TOX2: variants seen among roughly 807,000 people sequenced by gnomAD.
TOX2 encodes the protein granulosa cell HMG box 1.
In TOX2, 15 loss-of-function variants were observed where a neutral mutation model predicts 47.4. That is an observed-to-expected ratio of 0.32 (90% CI 0.21 to 0.49). The LOEUF (loss-of-function observed/expected upper bound fraction) is 0.49. TOX2 is among the 20% of genes least tolerant of loss of function. The pLI, the probability that TOX2 is intolerant of heterozygous loss-of-function variation, is 0.99. For missense variants in TOX2, 622 were observed against 673.1 expected (o/e 0.92, Z 0.84); for synonymous variants, 290 against 296.6 (o/e 0.98, Z 0.23).
intron 3 of TOX2, among the ~76,000 whole-genome samples, chr20:44,040,109 G>T (rs1247494846): frequency 2.0e-5 from 3 of 152,180 alleles, no homozygotes; most frequent in Non-Finnish European, 2.9e-5. Flanking sequence ...GATGGGCAGG[G>T]TCTCACCACT....
At chr20:44,007,828 C>A (rs1457223394) in intron 3 of TOX2, among the ~76,000 whole-genome samples, 1 of 152,096 alleles carries the variant, frequency 6.6e-6, no homozygotes, top group African/African-American at 2.4e-5. Flanking sequence ...GAAGAAACAT[C>A]ATATTTTTGG....
intron 3 of TOX2, among the ~76,000 whole-genome samples, chr20:44,014,680 G>A (rs1455114588): frequency 1.3e-5 from 2 of 152,150 alleles, no homozygotes; most frequent in Non-Finnish European, 2.9e-5. Flanking sequence ...AAGAGTCAGC[G>A]ATCCGATGCA....
chr20:43,965,547 G>T (rs2069836370), intron 1 of TOX2, among the ~76,000 whole-genome samples: 2 of 152,144 alleles, frequency 1.3e-5, no homozygotes, highest in African/African-American at 4.8e-5. Context: ...AAGTCCCTTT[G>T]CTTTTCTCTC....
At chr20:44,050,895 A>G (rs2071497437) in intron 3 of TOX2, among the ~76,000 whole-genome samples, 2 of 152,202 alleles carry the variant, frequency 1.3e-5, no homozygotes, top group Non-Finnish European at 2.9e-5. Flanking sequence ...ACCAGGATTC[A>G]AAATGTAGTT....
chr20:43,970,453 A>C (rs1456477894), intron 1 of TOX2, among the ~76,000 whole-genome samples: 2 of 152,240 alleles, frequency 1.3e-5, no homozygotes, highest in Non-Finnish European at 2.9e-5. Context: ...CATTTAATAA[A>C]TGGTGACCAT....
chr20:44,065,729 T>G lies in TOX2; in HGVS notation c.978T>G (p.Gly326=), dbSNP rs757099936. The part of the protein sequence containing the change: ...SLVSKSSPDQ[G]ETKSTQANPP... ...CCTTCCAGAGCTCCCCAGATCAAGG[T>G]GAGACCAAGAGCACTCAGGCAAACC... The change falls in exon 7 of 9, where the codon GGT becomes GGG. Residue 326 remains glycine (G), a synonymous_variant. Transcript: ENST00000341197. 4 of 1,590,818 alleles carry G rather than the reference T, an allele frequency of 2.5e-6. No individual in the cohort carries two copies. Among genetic ancestry groups the G allele is most frequent in the Non-Finnish European group, 3.4e-6 (4 of 1,163,624 alleles).
At chr20:44,054,171 A>C in intron 4 of TOX2, 128 bp from the exon 5 acceptor site, 90 of 843,096 alleles carry the variant, frequency 1.1e-4, no homozygotes, top group Non-Finnish European at 1.3e-4. Flanking sequence ...TGCCCCCTCC[A>C]TCGCGCGAGT....
At chr20:43,966,555 C>A (rs1002120091) in intron 1 of TOX2, among the ~76,000 whole-genome samples, 5 of 151,786 alleles carry the variant, frequency 3.3e-5, no homozygotes, top group African/African-American at 4.8e-5. Flanking sequence ...AGCAGGAGTT[C>A]GAGATCAGCC....
chr20:44,032,801 C>T (rs1238214265), intron 3 of TOX2, among the ~76,000 whole-genome samples: 1 of 152,182 alleles, frequency 6.6e-6, no homozygotes, highest in Admixed American at 6.5e-5. Context: ...ATTTGCAAAC[C>T]TTTCTTCTAA....
chr20:44,019,001 T>C (rs1423155575), intron 3 of TOX2, among the ~76,000 whole-genome samples: 1 of 152,164 alleles, frequency 6.6e-6, no homozygotes, highest in Non-Finnish European at 1.5e-5. Flanking sequence ...CCACAGAGTG[T>C]GGGAATCAAA....
chr20:43,934,894 T>C (rs909414225), intron 1 of TOX2, among the ~76,000 whole-genome samples: 1 of 151,980 alleles, frequency 6.6e-6, no homozygotes, highest in Non-Finnish European at 1.5e-5. Context: ...TTTTTGGACA[T>C]TTGGGCTACT....
intron 1 of TOX2, among the ~76,000 whole-genome samples, chr20:43,962,489 C>T (rs1470473722): frequency 6.6e-6 from 1 of 152,248 alleles, no homozygotes; most frequent in African/African-American, 2.4e-5. Context: ...TCACCACGTT[C>T]ACCCCCAGCC....
At chr20:43,971,973 T>A (rs1402037150) in intron 1 of TOX2, among the ~76,000 whole-genome samples, 3 of 152,166 alleles carry the variant, frequency 2.0e-5, no homozygotes, top group Non-Finnish European at 4.4e-5. Context: ...GGTGTTGCTT[T>A]TTGTACTCTT....
chr20:43,987,679 G>A (rs1382011453), intron 2 of TOX2, among the ~76,000 whole-genome samples: 1 of 152,118 alleles, frequency 6.6e-6, no homozygotes, highest in African/African-American at 2.4e-5. Context: ...CCCACTGAGA[G>A]CATGGATGGG....
intron 3 of TOX2, among the ~76,000 whole-genome samples, chr20:44,016,574 T>C (rs1464968588): frequency 1.3e-5 from 2 of 152,158 alleles, no homozygotes; most frequent in African/African-American, 4.8e-5. Context: ...ATTCCTGGCC[T>C]CTACTCACTA....
chr20:43,958,710 G>A (rs1375915407), intron 1 of TOX2, among the ~76,000 whole-genome samples: 1 of 152,242 alleles, frequency 6.6e-6, no homozygotes, highest in Non-Finnish European at 1.5e-5. Context: ...GCTTTTGACA[G>A]TAACTGGGCT....
In TOX2 at chr20:43,915,045, C is replaced by T. The variant is rs1476324426; in HGVS notation, c.99+55C>T. On this transcript the variant is annotated intron_variant, in intron 1 of 8. Coordinates refer to ENST00000341197, the MANE Select transcript of TOX2 (RefSeq NM_001098797.2). This position sits in a 1 kb window ranked among gnomAD's most constrained non-coding sequence, Gnocchi z 7.1. ...GGGCGGGGCCGGAGTCACCTGGCAG[C>T]TCGGGACTCAGGCGCTCCCGGGGTC... is the stretch of plus-strand genomic sequence containing the variant. The T allele has an allele frequency of 2.7e-6, 3 of 1,094,500 alleles. No homozygotes were observed. Among genetic ancestry groups the T allele is most frequent in the African/African-American group, 1.7e-5 (1 of 59,860 alleles). 67.8% of individuals were successfully genotyped at this position (1,094,500 alleles called of 1,614,324 possible).
At position 43,915,146 on chromosome 20, in the gene TOX2, C is replaced by T. The variant is rs1458809835; in HGVS notation, c.99+156C>T. 6.6e-6 allele frequency among the ~76,000 whole-genome samples: 1 copy of T among 152,136 alleles called. No homozygotes were observed. The highest frequency in any genetic ancestry group is 1.5e-5 in the Non-Finnish European group (1 of 68,016). On this transcript the variant is annotated intron_variant, in intron 1 of 8. Coordinates refer to ENST00000341197, the MANE Select transcript of TOX2 (RefSeq NM_001098797.2). The surrounding 1 kb of genome is among the most constrained non-coding windows in gnomAD (Gnocchi z 7.1). The stretch of plus-strand genomic sequence containing the variant: ...CGATCCCCTCGCGGCCACGCTCACG[C>T]CCTGAGTTGTTGGGATCGCGGGCAG...
chr20:44,024,373 A>G (rs552861709), intron 3 of TOX2, among the ~76,000 whole-genome samples: 12 of 148,852 alleles, frequency 8.1e-5, no homozygotes, highest in African/African-American at 2.7e-4. Flanking sequence ...TTGTGTTCCA[A>G]TTCTCTTACT....
Sources: gnomAD v4.1 joint callset for allele counts (sites outside exome capture counted in the v4.1 genomes callset) on GRCh38, gnomAD v4.1.1 for gene constraint, Gnocchi (gnomAD v3.1) non-coding constraint, MANE v1.5 for transcripts, NCBI Gene and HGNC (gene_info 2026-07-23, HGNC 2026-07-21) for gene names.